Variants in FAM133B observed in about 807,000 individuals in gnomAD.
FAM133B encodes family with sequence similarity 133 member B, also known as protein FAM133B.
A neutral mutation model predicts 46.4 loss-of-function variants in FAM133B; 25 were observed. That is an observed-to-expected ratio of 0.54 (90% CI 0.39 to 0.75). FAM133B has a LOEUF of 0.75. FAM133B is among the 30% of genes least tolerant of loss of function. FAM133B has a pLI of 0.00. For missense variants in FAM133B, 205 were observed against 277.6 expected (o/e 0.74, Z 1.86); for synonymous variants, 75 against 86.0 (o/e 0.87, Z 0.71).
At chr7:92,582,127 T>C (rs1340658016) in intron 1 of FAM133B, among the ~76,000 whole-genome samples, 1 of 152,144 alleles carries the variant, frequency 6.6e-6, no homozygotes, top group Admixed American at 6.5e-5. Flanking sequence ...CACACGCCTG[T>C]AATCCTAGCT....
At chr7:92,578,039 G>T in intron 5 of FAM133B, 111 bp downstream of exon 5, 1 of 927,920 alleles carries the variant, frequency 1.1e-6, no homozygotes, top group South Asian at 1.7e-5. Flanking sequence ...TAAGTTCCTT[G>T]ACTCATCTGG....
chr7:92,587,987 T>C (rs1795085274), intron 1 of FAM133B, among the ~76,000 whole-genome samples: 1 of 151,914 alleles, frequency 6.6e-6, no homozygotes, highest in Non-Finnish European at 1.5e-5. Context: ...AAAAAAAAAG[T>C]CTTAAAAAGA....
At chr7:92,569,701 GT>G (rs3841401) in intron 9 of FAM133B, 121 bp downstream of exon 9, 20,936 of 466,632 alleles carry the variant, frequency 0.045, 1,649 homozygotes, top group East Asian at 0.31. Context: ...CTTTCATTTT[GT>G]TTTTTCATAC....
At chr7:92,577,811 T>C in intron 5 of FAM133B, 94 bp from the exon 6 acceptor site, 1 of 976,922 alleles carries the variant, frequency 1.0e-6, no homozygotes, top group Non-Finnish European at 1.5e-6. Flanking sequence ...CAATCTAGTG[T>C]CTGAGAAACA....
chr7:92,580,132 G>A (rs1585311437), intron 2 of FAM133B, among the ~76,000 whole-genome samples: 3 of 151,846 alleles, frequency 2.0e-5, no homozygotes, highest in Middle Eastern at 3.4e-3. Flanking sequence ...AGAATGTAGT[G>A]GCATGATCAT....
chr7:92,581,488 A>T lies in FAM133B; in HGVS notation c.122+18T>A, dbSNP rs369630523. 3 of 1,593,106 alleles carry T rather than the reference A, an allele frequency of 1.9e-6. No homozygotes were observed. The highest frequency in any genetic ancestry group is 2.6e-6 in the Non-Finnish European group (3 of 1,162,346). On this transcript the variant is annotated intron_variant, in intron 2 of 10. Transcript: ENST00000445716. ...AGTTGATAAAAGCTTATAAATAGGT[A>T]AAGTGTTTCACAAATACCAGGTAGG... is the stretch of plus-strand genomic sequence containing the variant.
At chr7:92,574,766 G>A (rs1006225203) in intron 8 of FAM133B, among the ~76,000 whole-genome samples, 20 of 151,786 alleles carry the variant, frequency 1.3e-4, no homozygotes, top group African/African-American at 3.6e-4. Context: ...TTAGCCGGGC[G>A]CGGTGGCGGG....
At chr7:92,569,608 G>T in intron 9 of FAM133B, 1 of 294,512 alleles carries the variant, frequency 3.4e-6, no homozygotes, top group Non-Finnish European at 6.3e-6. Context: ...GATTAGAAAG[G>T]TATGTGGAAA....
At chr7:92,580,435 C>T (rs1433319578) in intron 2 of FAM133B, among the ~76,000 whole-genome samples, 2 of 152,114 alleles carry the variant, frequency 1.3e-5, no homozygotes, top group African/African-American at 2.4e-5. Flanking sequence ...CAGAGGCTGA[C>T]CAGCCTCAAT....
At chr7:92,566,179 C>T in intron 9 of FAM133B, 118 bp from the exon 10 acceptor site, 1 of 889,510 alleles carries the variant, frequency 1.1e-6, no homozygotes, top group South Asian at 1.6e-5. Flanking sequence ...AACATTTTGA[C>T]AATCACAGGA....
intron 7 of FAM133B, 137 bp downstream of exon 7, chr7:92,576,966 A>G (rs1268909600): frequency 2.3e-6 from 1 of 439,252 alleles, no homozygotes; most frequent in African/African-American, 2.1e-5. Flanking sequence ...GATATTATCA[A>G]GTATATCAAT....
chr7:92,577,059 T>G (rs1407695039), intron 7 of FAM133B, 44 bp downstream of exon 7: 1 of 1,227,756 alleles, frequency 8.1e-7, no homozygotes, highest in Admixed American at 3.3e-5. Flanking sequence ...AAAACTTAAT[T>G]AAATGTCTTT....
chr7:92,573,677 T>G (rs1794605716), intron 8 of FAM133B, among the ~76,000 whole-genome samples: 2 of 151,922 alleles, frequency 1.3e-5, no homozygotes, highest in South Asian at 4.1e-4. Flanking sequence ...TTTTTAAATA[T>G]GAGGGTAACC....
intron 8 of FAM133B, among the ~76,000 whole-genome samples, chr7:92,570,886 C>A (rs1794508244): frequency 6.6e-6 from 1 of 152,084 alleles, no homozygotes; most frequent in Admixed American, 6.5e-5. Context: ...AAATTAAACA[C>A]CATTAAGATT....
intron 10 of FAM133B, chr7:92,565,584 C>T (rs1003446837): frequency 4.9e-5 from 8 of 162,386 alleles, no homozygotes; most frequent in Non-Finnish European, 8.1e-5. Context: ...CTGCCTCAGC[C>T]TCCCGAGTAG....
intron 8 of FAM133B, among the ~76,000 whole-genome samples, chr7:92,571,877 C>T (rs1228217384): frequency 6.6e-6 from 1 of 152,158 alleles, no homozygotes; most frequent in African/African-American, 2.4e-5. Flanking sequence ...TCATATATGT[C>T]TCTGAATAGA....
chr7:92,564,349 C>T (rs1470699378), intron 10 of FAM133B, among the ~76,000 whole-genome samples: 1 of 152,188 alleles, frequency 6.6e-6, no homozygotes. Context: ...CTATCTCATA[C>T]TCTTTTGTAC....
intron 10 of FAM133B, among the ~76,000 whole-genome samples, chr7:92,564,743 T>C (rs1260055959): frequency 6.6e-6 from 1 of 152,190 alleles, no homozygotes; most frequent in African/African-American, 2.4e-5. Context: ...AGGTCATAGC[T>C]CACATTTATA....
chr7:92,577,044 G>A, intron 7 of FAM133B, 59 bp downstream of exon 7: 1 of 1,059,504 alleles, frequency 9.4e-7, no homozygotes, highest in Non-Finnish European at 1.3e-6. Flanking sequence ...GCAACTTTAG[G>A]CAGAAAAACT....
Sources: allele counts gnomAD v4.1 joint callset (sites outside exome capture counted in the v4.1 genomes callset), GRCh38; gene constraint gnomAD v4.1.1; transcripts MANE v1.5; gene names NCBI Gene and HGNC (gene_info 2026-07-23, HGNC 2026-07-21).